LSMEM2: variants seen among roughly 807,000 people sequenced by gnomAD.
LSMEM2 encodes the protein leucine-rich single-pass membrane protein 2.
Under a neutral mutation model 17.3 loss-of-function variants are expected in LSMEM2, and 20 were observed. The observed-to-expected ratio is 1.16, with a 90% CI of 0.81 to 1.68. The LOEUF is 1.68. LSMEM2 is among the 40% of genes most tolerant of loss of function. The pLI is 0.00. For missense variants in LSMEM2, 207 were observed against 214.3 expected (o/e 0.97, Z 0.21); for synonymous variants, 94 against 97.8 (o/e 0.96, Z 0.23).
chr3:50,285,951 A>G (rs1553708336), intron 1 of LSMEM2, among the ~76,000 whole-genome samples: 1 of 151,710 alleles, frequency 6.6e-6, no homozygotes, highest in East Asian at 1.9e-4. Flanking sequence ...ATAACAAAGA[A>G]GGGTCTCCCC....
At chr3:50,282,274 C>T (rs1553707864) in intron 1 of LSMEM2, among the ~76,000 whole-genome samples, 1 of 152,204 alleles carries the variant, frequency 6.6e-6, no homozygotes, top group African/African-American at 2.4e-5. Flanking sequence ...CAGGCATGAG[C>T]CACAGTGCCC....
At position 50,286,693 on chromosome 3, in the gene LSMEM2, T is replaced by TCTAA. The variant is rs781899863; in HGVS notation, c.195_198dup (p.Glu67AsnfsTer2). ...ACCCAGCAGGCACACTGCGCCCCTA[T>TCTAA]CTAACTGAAGAGGCACGACCGTGGG... On this transcript the variant is annotated frameshift_variant, in exon 3 of 4. Transcript: ENST00000316436. LOFTEE classifies it high-confidence loss of function. The TCTAA allele has an allele frequency of 6.8e-6, 11 of 1,613,902 alleles. No individual in the cohort carries two copies. Among genetic ancestry groups the TCTAA allele is most frequent in the South Asian group, 1.1e-5 (1 of 91,070 alleles).
chr3:50,279,106 GCTACTGGATGCCAT>G lies in LSMEM2; in HGVS notation c.-6_8del. ...GCCACTGCTGCATTTGTCCAGTCCT[GCTACTGGATGCCAT>G]CATTGGCCCCCGACTGCCCACTGCT... On this transcript the variant is annotated start_lost and 5_prime_UTR_variant, in exon 1 of 4. Coordinates refer to ENST00000316436, the MANE Select transcript of LSMEM2 (RefSeq NM_153215.3). 1 of 1,614,084 alleles carries G rather than the reference GCTACTGGATGCCAT, an allele frequency of 6.2e-7. No homozygotes were observed. The highest frequency in any genetic ancestry group is 8.5e-7 in the Non-Finnish European group (1 of 1,179,910).
intron 1 of LSMEM2, among the ~76,000 whole-genome samples, chr3:50,281,191 G>T (rs1204455613): frequency 2.6e-5 from 4 of 151,280 alleles, no homozygotes; most frequent in Non-Finnish European, 5.9e-5. Flanking sequence ...GAGTAGCTGG[G>T]ACTACAGGCG....
At position 50,287,289 on chromosome 3, in the gene LSMEM2, C is replaced by T; in HGVS notation, c.*87C>T. On this transcript the variant is annotated 3_prime_UTR_variant, in exon 4 of 4. Transcript: ENST00000316436. Reference sequence around the variant, plus strand: ...CAGGTCTCTCCTTCCCTACTGCTGGCTGCCACATCTACACTATTTCCTTGG... The same window carrying T: ...CAGGTCTCTCCTTCCCTACTGCTGGTTGCCACATCTACACTATTTCCTTGG... 1 of 1,526,540 alleles carries T rather than the reference C, an allele frequency of 6.6e-7. No individual in the cohort carries two copies. Among genetic ancestry groups the T allele is most frequent in the South Asian group, 1.1e-5 (1 of 87,222 alleles). 94.6% of individuals were successfully genotyped at this position (1,526,540 alleles called of 1,614,324 possible).
In LSMEM2 at chr3:50,286,511, G is replaced by A. The variant is rs928946; in HGVS notation, c.99G>A (p.Gly33=). 6.5e-3 allele frequency: 10,439 copies of A among 1,610,978 alleles called. 622 individuals carry two copies. In the African/African-American group the frequency reaches 0.12, roughly 19 times the overall value. Residue 33 remains glycine (G), a synonymous_variant, in exon 2 of 4, where the codon GGG becomes GGA. Coordinates refer to ENST00000316436, the MANE Select transcript of LSMEM2 (RefSeq NM_153215.3). ...APMMPSQRSR[G]PLAPNHVHEV... ...TGATGCCCAGCCAGAGGAGCAGGGG[G>A]CCATTGGCCCCCAACCACGTGCATG...
upstream of LSMEM2, among the ~76,000 whole-genome samples, chr3:50,277,921 C>T (rs1256512613): frequency 7.2e-5 from 11 of 152,222 alleles, no homozygotes; most frequent in South Asian, 4.1e-4. Context: ...GAGCCGAGAT[C>T]GCCCCACTGC....
intron 1 of LSMEM2, among the ~76,000 whole-genome samples, chr3:50,280,694 C>T (rs1347291170): frequency 6.6e-6 from 1 of 150,576 alleles, no homozygotes; most frequent in East Asian, 2.0e-4. Flanking sequence ...TCCGGGTTCA[C>T]GCCATTCTCC....
intron 1 of LSMEM2, among the ~76,000 whole-genome samples, chr3:50,283,557 G>T (rs1201512902): frequency 6.6e-6 from 1 of 151,620 alleles, no homozygotes; most frequent in Non-Finnish European, 1.5e-5. Context: ...AACCTGGGAG[G>T]CGGAGCTTGC....
At chr3:50,286,976 C>T (rs1322165263) in intron 3 of LSMEM2, 93 bp from the exon 4 acceptor site, 12 of 1,586,290 alleles carry the variant, frequency 7.6e-6, no homozygotes, top group South Asian at 2.3e-5. Context: ...AAGGATGGGG[C>T]GGGAGGCCCG....
At chr3:50,280,353 C>A (rs1447127084) in intron 1 of LSMEM2, among the ~76,000 whole-genome samples, 3 of 152,028 alleles carry the variant, frequency 2.0e-5, no homozygotes, top group South Asian at 4.1e-4. Context: ...CAAGGTTTCA[C>A]CGTGTTGGCC....
chr3:50,281,296 G>A (rs587698005), intron 1 of LSMEM2, among the ~76,000 whole-genome samples: 18 of 150,200 alleles, frequency 1.2e-4, no homozygotes, highest in African/African-American at 3.9e-4. Context: ...TCCTGACCTC[G>A]TGACCTGCCC....
intron 1 of LSMEM2, among the ~76,000 whole-genome samples, chr3:50,283,977 G>A (rs1022526050): frequency 2.0e-5 from 3 of 152,136 alleles, no homozygotes; most frequent in East Asian, 1.9e-4. Context: ...AGGCCAAGGC[G>A]GGTGGATCAC....
In LSMEM2 at chr3:50,286,465, C is replaced by T. The variant is rs1553708444; in HGVS notation, c.59-6C>T. 1 of 1,594,322 alleles carries T rather than the reference C, an allele frequency of 6.3e-7. No homozygotes were observed. The highest frequency in any genetic ancestry group is 8.5e-7 in the Non-Finnish European group (1 of 1,171,832). ...CTGGCTAAATCAGCCTGCGCTGCCC[C>T]TGCAGACTCCGTGGCGCCAATGATG... is the stretch of plus-strand genomic sequence containing the variant. On this transcript the variant is annotated splice_region_variant and splice_polypyrimidine_tract_variant and intron_variant, in intron 1 of 3. Coordinates refer to ENST00000316436, the MANE Select transcript of LSMEM2 (RefSeq NM_153215.3).
Position 50,287,207 on chromosome 3 carries a change from C to T in LSMEM2, c.*5C>T. The T allele has an allele frequency of 6.2e-7, 1 of 1,613,468 alleles. No homozygotes were observed. The highest frequency in any genetic ancestry group is 8.5e-7 in the Non-Finnish European group (1 of 1,179,946). Reference sequence around the variant, plus strand: ...GAGGCCCAAGCACCCAGCTGAGATGCCATTTGGATCTGGGGCCTGGGGGTG... The same window carrying T: ...GAGGCCCAAGCACCCAGCTGAGATGTCATTTGGATCTGGGGCCTGGGGGTG... On this transcript the variant is annotated 3_prime_UTR_variant, in exon 4 of 4. Coordinates refer to ENST00000316436, the MANE Select transcript of LSMEM2 (RefSeq NM_153215.3).
chr3:50,286,530 G>T lies in LSMEM2; in HGVS notation c.118G>T (p.Val40Leu). The change falls in exon 2 of 4, where the codon GTG becomes TTG. Residue 40 changes from valine to leucine, a missense_variant. Transcript: ENST00000316436. ...CAGGGGGCCATTGGCCCCCAACCACGTGCATGAGGTATGCCTGCACCAGGT... is the reference window on the plus strand; with the variant it reads ...CAGGGGGCCATTGGCCCCCAACCACTTGCATGAGGTATGCCTGCACCAGGT... ...RSRGPLAPNH[V>L]HEVCLHQVES... is the part of the protein sequence containing the mutation. The T allele has an allele frequency of 6.2e-7, 1 of 1,612,226 alleles. No homozygotes were observed. The highest frequency in any genetic ancestry group is 8.5e-7 in the Non-Finnish European group (1 of 1,179,378).
chr3:50,278,080 A>G (rs1293154759), upstream of LSMEM2, among the ~76,000 whole-genome samples: 1 of 152,236 alleles, frequency 6.6e-6, no homozygotes, highest in Non-Finnish European at 1.5e-5. Context: ...ATCTGGGAGC[A>G]GAGCATTCCA....
chr3:50,286,483 CAAT>C lies in LSMEM2; in HGVS notation c.72_74del (p.Met26del), dbSNP rs782280307. 13 of 1,605,576 alleles carry C rather than the reference CAAT, an allele frequency of 8.1e-6. No homozygotes were observed. The highest frequency in any genetic ancestry group is 1.0e-5 in the Non-Finnish European group (12 of 1,177,094). On this transcript the variant is annotated inframe_deletion, in exon 2 of 4. Coordinates refer to ENST00000316436, the MANE Select transcript of LSMEM2 (RefSeq NM_153215.3). ...GCTGCCCCTGCAGACTCCGTGGCGC[CAAT>C]GATGCCCAGCCAGAGGAGCAGGGGG...
intron 1 of LSMEM2, among the ~76,000 whole-genome samples, chr3:50,283,189 C>T (rs1701437664): frequency 1.3e-5 from 2 of 148,234 alleles, no homozygotes; most frequent in Non-Finnish European, 3.0e-5. Context: ...GTCTCAAAAA[C>T]AAACAAACAA....
Sources: gnomAD v4.1 joint callset for allele counts (sites outside exome capture counted in the v4.1 genomes callset) on GRCh38, gnomAD v4.1.1 for gene constraint, MANE v1.5 for transcripts, NCBI Gene and HGNC (gene_info 2026-07-23, HGNC 2026-07-21) for gene names.